The following NTM variants were observed in gnomAD, a reference collection of about 807,000 sequenced individuals.
NTM encodes the protein neurotrimin, also known as IgLON family member 2.
Under a neutral mutation model 42.1 loss-of-function variants are expected in NTM, and 13 were observed. That is an observed-to-expected ratio of 0.31 (90% CI 0.20 to 0.49). The LOEUF (loss-of-function observed/expected upper bound fraction) is 0.49, where lower values mean the gene tolerates loss of function less well. Ranked by LOEUF, NTM falls within the 20% of genes least tolerant of loss-of-function variation. The probability of loss-of-function intolerance (pLI) is 0.99; values close to 1 mark genes in which losing one functional copy is unlikely to be tolerated. For synonymous variants in NTM, 187 were observed against 179.2 expected (o/e 1.04, Z -0.35); for missense variants, 373 against 452.8 (o/e 0.82, Z 1.60).
At chr11:131,437,530 A>G (rs552004095) in intron 1 of NTM, among the ~76,000 whole-genome samples, 13 of 152,202 alleles carry the variant, frequency 8.5e-5, no homozygotes, top group African/African-American at 3.1e-4. Flanking sequence ...TCCCTTTATC[A>G]TTATGTAATG....
At chr11:131,763,734 T>TTTTTTTTTG (rs1350446741) in intron 1 of NTM, among the ~76,000 whole-genome samples, 3 of 143,424 alleles carry the variant, frequency 2.1e-5, no homozygotes, top group Non-Finnish European at 4.6e-5. Context: ...TTTTTTTTTT[T>TTTTTTTTTG]TGGCATTGCT....
chr11:131,433,274 A>G (rs1168807763), intron 1 of NTM, among the ~76,000 whole-genome samples: 1 of 152,166 alleles, frequency 6.6e-6, no homozygotes, highest in Non-Finnish European at 1.5e-5. Context: ...TATTAATGCA[A>G]ATAAAACCAA....
intron 2 of NTM, among the ~76,000 whole-genome samples, chr11:132,062,050 C>G (rs1407206447): frequency 6.6e-6 from 1 of 152,134 alleles, no homozygotes; most frequent in Non-Finnish European, 1.5e-5. Flanking sequence ...GTAAATCAAA[C>G]TCCGCTGTGT....
intron 1 of NTM, among the ~76,000 whole-genome samples, chr11:131,882,046 A>T (rs533820902): frequency 6.6e-6 from 1 of 152,260 alleles, no homozygotes; most frequent in East Asian, 1.9e-4. Context: ...CAGAGGAAGG[A>T]TATATTCCAA....
intron 2 of NTM, among the ~76,000 whole-genome samples, chr11:132,069,208 A>G (rs71485715): frequency 1.4e-3 from 213 of 147,316 alleles, no homozygotes; most frequent in African/African-American, 4.6e-3. Context: ...CAAACTGACC[A>G]TCACAGGTTA....
chr11:132,330,217 G>C (rs1385591390), intron 8 of NTM, 32 bp downstream of exon 8: 1 of 1,542,986 alleles, frequency 6.5e-7, no homozygotes, highest in African/African-American at 1.4e-5. Context: ...CTGCTGCCTT[G>C]GTGGGTGTGG....
rs569064789 is a variant in NTM at position 131,596,396 on chromosome 11, A to G, written c.82+225508A>G. ...AAATACCAGACTCTGGCATCACGGC[A>G]TCGTAGGTAAACAAATGGCAGTGGC... On this transcript the variant is annotated intron_variant, in intron 1 of 8. Transcript: ENST00000683400. 2.0e-5 allele frequency among the ~76,000 whole-genome samples: 3 copies of G among 152,342 alleles called. No individual in the cohort carries two copies. In the South Asian group the frequency reaches 6.2e-4, roughly 32 times the overall value.
chr11:131,817,466 C>T (rs2092996642), intron 1 of NTM, among the ~76,000 whole-genome samples: 1 of 152,124 alleles, frequency 6.6e-6, no homozygotes, highest in South Asian at 2.1e-4. Context: ...CCATCTTTTG[C>T]TTCAGCCTGA....
chr11:131,566,575 C>T (rs1179004192), intron 1 of NTM, among the ~76,000 whole-genome samples: 1 of 152,172 alleles, frequency 6.6e-6, no homozygotes, highest in African/African-American at 2.4e-5. Context: ...TTTTCCCCGC[C>T]ATTCTGTTAA....
rs1267025643 is a variant in NTM, at chr11:131,471,621, G to A, written c.82+100733G>A. ...GAGTGTGAGAATTCCAGGGGCATTG[G>A]AGGTTGAGGTAACAAGGTTAAGATG... On this transcript the variant is annotated intron_variant, in intron 1 of 8. Transcript: ENST00000683400. 3.3e-5 allele frequency among the ~76,000 whole-genome samples: 5 copies of A among 152,176 alleles called. No homozygotes were observed. The East Asian group carries it at 9.6e-4, about 29-fold the overall frequency.
At chr11:131,508,850 A>C (rs4993931) in intron 1 of NTM, among the ~76,000 whole-genome samples, 15,982 of 142,658 alleles carry the variant, frequency 0.11, 407 homozygotes, top group East Asian at 0.24. Context: ...TCCCATGGAC[A>C]CAGGAAGGGG....
At chr11:131,610,419 A>C (rs1171803777) in intron 1 of NTM, among the ~76,000 whole-genome samples, 1 of 152,224 alleles carries the variant, frequency 6.6e-6, no homozygotes. Flanking sequence ...CACGGAATTC[A>C]TTAGTAAATA....
chr11:132,098,613 A>G (rs537032029), intron 2 of NTM, among the ~76,000 whole-genome samples: 30 of 152,344 alleles, frequency 2.0e-4, no homozygotes, highest in Non-Finnish European at 3.5e-4. Context: ...TCAGTCTTCT[A>G]TTTCAACTCC....
intron 2 of NTM, among the ~76,000 whole-genome samples, chr11:132,016,178 G>A (rs933609949): frequency 1.3e-5 from 2 of 150,946 alleles, no homozygotes; most frequent in Admixed American, 1.3e-4. Context: ...TATGGTTTTT[G>A]TTCTTTGTTT....
At chr11:131,995,715 C>T (rs1345943795) in intron 2 of NTM, among the ~76,000 whole-genome samples, 1 of 152,030 alleles carries the variant, frequency 6.6e-6, no homozygotes, top group East Asian at 1.9e-4. Flanking sequence ...AAGCCAACCA[C>T]CAAGACAACG....
chr11:131,695,352 C>G (rs1322007806), intron 1 of NTM, among the ~76,000 whole-genome samples: 1 of 152,276 alleles, frequency 6.6e-6, no homozygotes, highest in East Asian at 1.9e-4. Context: ...CTGGACTGGG[C>G]TAGCTCAGAA....
chr11:131,743,414 A>C (rs2081418415), intron 1 of NTM, among the ~76,000 whole-genome samples: 1 of 152,210 alleles, frequency 6.6e-6, no homozygotes, highest in African/African-American at 2.4e-5. Context: ...TTTTCCAGAA[A>C]TCAGATGTGG....
At chr11:132,200,124 C>G (rs1384358810) in intron 3 of NTM, among the ~76,000 whole-genome samples, 2 of 152,138 alleles carry the variant, frequency 1.3e-5, no homozygotes, top group Non-Finnish European at 2.9e-5. Context: ...TCGCCTTGAT[C>G]TATTCACCAG....
intron 2 of NTM, among the ~76,000 whole-genome samples, chr11:132,001,062 G>C (rs2069117358): frequency 1.3e-5 from 2 of 152,186 alleles, no homozygotes; most frequent in Admixed American, 1.3e-4. Context: ...GCAGAAAAGA[G>C]TCTGAAGAGG....
Sources: allele counts gnomAD v4.1 joint callset (sites outside exome capture counted in the v4.1 genomes callset), GRCh38; gene constraint gnomAD v4.1.1; transcripts MANE v1.5; gene names NCBI Gene and HGNC (gene_info 2026-07-23, HGNC 2026-07-21).